Variants in SVIL observed in about 807,000 individuals in gnomAD.
SVIL encodes the protein supervillin.
Under a neutral mutation model 240.4 loss-of-function variants are expected in SVIL, and 101 were observed. That is an observed-to-expected ratio of 0.42 (90% CI 0.36 to 0.50). The LOEUF (loss-of-function observed/expected upper bound fraction) is 0.50. Ranked by LOEUF, SVIL falls within the 20% of genes least tolerant of loss-of-function variation. The probability of loss-of-function intolerance (pLI) is 0.01; values close to 1 mark genes in which losing one functional copy is unlikely to be tolerated. For missense variants in SVIL, 2,512 were observed against 2,818.7 expected, an observed-to-expected ratio of 0.89 and a Z score of 2.46; for synonymous variants, 999 against 1,100.0, an observed-to-expected ratio of 0.91 and a Z score of 1.82.
chr10:29,701,202 G>A (rs1477216747), intron 1 of SVIL, among the ~76,000 whole-genome samples: 6 of 151,914 alleles, frequency 3.9e-5, no homozygotes, highest in Non-Finnish European at 7.4e-5. Context: ...TCTGTCCACA[G>A]CCAAAGAGAT....
At chr10:29,558,633 AT>A (rs1225004598) in intron 3 of SVIL, among the ~76,000 whole-genome samples, 210 of 151,852 alleles carry the variant, frequency 1.4e-3, no homozygotes, top group African/African-American at 4.8e-3. Flanking sequence ...TTATATTATT[AT>A]TAATAATAAT....
At chr10:29,720,798 T>C (rs963644922) in intron 1 of SVIL, among the ~76,000 whole-genome samples, 1 of 152,226 alleles carries the variant, frequency 6.6e-6, no homozygotes, top group African/African-American at 2.4e-5. Context: ...AGTGATATAA[T>C]ATCACTTAAA....
At chr10:29,710,648 A>G (rs1050409663) in intron 1 of SVIL, among the ~76,000 whole-genome samples, 2 of 152,230 alleles carry the variant, frequency 1.3e-5, no homozygotes, top group African/African-American at 2.4e-5. Flanking sequence ...TCAGTTAATA[A>G]CAAACACAGA....
At chr10:29,728,476 T>A (rs1387350929) in intron 1 of SVIL, among the ~76,000 whole-genome samples, 1 of 152,128 alleles carries the variant, frequency 6.6e-6, no homozygotes, top group Non-Finnish European at 1.5e-5. Context: ...GTATTCAATA[T>A]CATTATTATA....
intron 3 of SVIL, among the ~76,000 whole-genome samples, chr10:29,648,004 G>GAA (rs200774439): frequency 7.0e-5 from 8 of 114,490 alleles, no homozygotes; most frequent in Non-Finnish European, 1.1e-4. Context: ...ATCATTACCA[G>GAA]AAAAAAAAAA....
intron 13 of SVIL, among the ~76,000 whole-genome samples, chr10:29,526,480 T>G (rs149524277): frequency 0.019 from 2,940 of 152,116 alleles, 89 homozygotes; most frequent in African/African-American, 0.068. Context: ...AATTTTTGTA[T>G]TTTTAGTAGA....
chr10:29,698,027 G>T (rs1260724295), intron 1 of SVIL: 1 of 868,526 alleles, frequency 1.2e-6, no homozygotes, highest in Admixed American at 2.2e-5. Flanking sequence ...TAGCCAAGCT[G>T]GTCCCTAAAA....
At position 29,696,604 on chromosome 10, in the gene SVIL, G is replaced by A. The variant is rs568129302; in HGVS notation, c.-399-9953C>T. ...ATGTGGGGAGCGCCTCTGCCCCGCC[G>A]CCCCGTCTGGGATGTGAGGAGCGCC... On this transcript the variant is annotated intron_variant, in intron 1 of 35. Coordinates refer to the SVIL transcript ENST00000375400. Among the ~76,000 whole-genome samples, 1,446 of 148,170 alleles carry A rather than the reference G, an allele frequency of 9.8e-3. 34 individuals carry two copies. Among genetic ancestry groups the A allele is most frequent in the African/African-American group, 0.031 (1,227 of 39,990 alleles).
At chr10:29,712,192 G>A (rs1316653292) in intron 1 of SVIL, among the ~76,000 whole-genome samples, 1 of 152,134 alleles carries the variant, frequency 6.6e-6, no homozygotes, top group Admixed American at 6.5e-5. Context: ...ATTGGCTTGT[G>A]CTGCGGTTTG....
intron 2 of SVIL, among the ~76,000 whole-genome samples, chr10:29,564,033 G>A (rs993012776): frequency 6.6e-6 from 1 of 152,070 alleles, no homozygotes; most frequent in Non-Finnish European, 1.5e-5. Flanking sequence ...ATAAAGGTAC[G>A]AATGGCCCTG....
chr10:29,463,305 G>A (rs567983545), intron 35 of SVIL, among the ~76,000 whole-genome samples, 187 bp downstream of exon 35: 8 of 152,294 alleles, frequency 5.3e-5, no homozygotes, highest in South Asian at 2.1e-4. Context: ...CTGAGAATGC[G>A]CTAATCTAAA....
chr10:29,527,724 CTT>C (rs1213694531), intron 12 of SVIL, among the ~76,000 whole-genome samples: 9 of 99,904 alleles, frequency 9.0e-5, no homozygotes, highest in Admixed American at 1.1e-4. Flanking sequence ...TGGGCCCAGC[CTT>C]TTTTTTTTTT....
chr10:29,592,118 G>T (rs560362280), intron 1 of SVIL, among the ~76,000 whole-genome samples: 1 of 152,264 alleles, frequency 6.6e-6, no homozygotes, highest in Non-Finnish European at 1.5e-5. Context: ...CAGGAATGGT[G>T]GTATATGCCT....
At chr10:29,505,202 T>G (rs1047401764) in intron 17 of SVIL, among the ~76,000 whole-genome samples, 9 of 152,078 alleles carry the variant, frequency 5.9e-5, no homozygotes, top group African/African-American at 2.2e-4. Context: ...GGCGGGCGCC[T>G]GCAATCGCAG....
At chr10:29,690,959 A>G (rs1336636385) in intron 1 of SVIL, among the ~76,000 whole-genome samples, 1 of 152,224 alleles carries the variant, frequency 6.6e-6, no homozygotes, top group African/African-American at 2.4e-5. Context: ...CAGGGCTAAC[A>G]TTCATTCGTT....
intron 1 of SVIL, among the ~76,000 whole-genome samples, chr10:29,727,034 TAC>T (rs1409117082): frequency 6.6e-6 from 1 of 152,034 alleles, no homozygotes; most frequent in Non-Finnish European, 1.5e-5. Flanking sequence ...TGCACAAGCA[TAC>T]ACACACACAC....
Position 29,493,214 on chromosome 10 carries a change from T to C in SVIL, c.4019A>G (p.Lys1340Arg). The C allele has an allele frequency of 1.2e-6, 2 of 1,613,466 alleles. No individual in the cohort carries two copies. The highest frequency in any genetic ancestry group is 1.7e-6 in the Non-Finnish European group (2 of 1,179,632). ...AAAGACGGAGACCCAAATAACTCAC[T>C]TGGGTGCATAAGGATCGAAAATGAC... is the stretch of plus-strand genomic sequence containing the variant. The part of the protein sequence containing the change: ...FDVIFDPYAP[K>R]LTSSVAEHKR... The change falls in exon 21 of 38, where the codon AAA (lysine) becomes AGA (arginine). Residue 1340 changes from lysine to arginine, a missense_variant and splice_region_variant. By Grantham distance (26) the Lys-to-Arg change is conservative (BLOSUM62 2). Around this residue, in one of 3 missense-constraint regions of SVIL, gnomAD observed 272 missense variants for 406.8 expected, o/e 0.67. Coordinates refer to ENST00000355867, the MANE Select transcript of SVIL (RefSeq NM_021738.3).
chr10:29,664,689 T>G (rs1319854435), intron 2 of SVIL, among the ~76,000 whole-genome samples: 1 of 142,906 alleles, frequency 7.0e-6, no homozygotes, highest in Non-Finnish European at 1.5e-5. Context: ...TATATATATA[T>G]ATACACACAC....
chr10:29,675,313 A>G (rs2133066841), intron 2 of SVIL, among the ~76,000 whole-genome samples: 1 of 152,302 alleles, frequency 6.6e-6, no homozygotes, highest in East Asian at 1.9e-4. Context: ...CAGCTTAGGC[A>G]ACACAGTAAG....
Sources: allele counts gnomAD v4.1 joint callset (sites outside exome capture counted in the v4.1 genomes callset), GRCh38; gene constraint gnomAD v4.1.1; regional missense constraint gnomAD v4.1.1; transcripts MANE v1.5; gene names NCBI Gene and HGNC (gene_info 2026-07-23, HGNC 2026-07-21).